Variants in DIRAS2 observed in about 807,000 individuals in gnomAD.
DIRAS2 encodes the protein DIRAS family GTPase 2.
Under a neutral mutation model 13.9 loss-of-function variants are expected in DIRAS2, and 5 were observed. The observed-to-expected ratio is 0.36, with a 90% confidence interval of 0.19 to 0.76. The LOEUF (loss-of-function observed/expected upper bound fraction) is 0.76, where lower values mean the gene tolerates loss of function less well. Among genes scored for constraint, DIRAS2 ranks in the 30% least tolerant of loss-of-function variants. The probability of loss-of-function intolerance (pLI) is 0.53; values close to 1 mark genes in which losing one functional copy is unlikely to be tolerated. For missense variants in DIRAS2, 191 were observed against 263.0 expected, an observed-to-expected ratio of 0.73 and a Z score of 1.89; for synonymous variants, 111 against 105.4, an observed-to-expected ratio of 1.05 and a Z score of -0.33.
In DIRAS2 at chr9:90,613,316, C is replaced by T. The variant is rs374125849; in HGVS notation, c.512G>A (p.Arg171His). 2.5e-6 allele frequency: 4 copies of T among 1,613,960 alleles called. No individual in the cohort carries two copies. In the African/African-American group the frequency reaches 4.0e-5, roughly 16 times the overall value. The change falls in exon 2 of 2, where the codon CGC becomes CAC. Residue 171 changes from arginine to histidine, a missense_variant. Transcript: ENST00000375765. The surrounding 1 kb of genome is among the most constrained non-coding windows in gnomAD (Gnocchi z 5.6). ...LFQELLNLEK[R>H]RTVSLQIDGK... ...GTCGATCTGGAGACTCACGGTCCTG[C>T]GCTTCTCCAGGTTGAGCAGCTCCTG...
chr9:90,622,039 G>A (rs1697464929), intron 1 of DIRAS2, among the ~76,000 whole-genome samples: 1 of 152,074 alleles, frequency 6.6e-6, no homozygotes, highest in South Asian at 2.1e-4. Flanking sequence ...ATTGCTTGAG[G>A]TCAGGAGTTC....
chr9:90,633,283 TG>T (rs1825343322), intron 1 of DIRAS2, among the ~76,000 whole-genome samples: 1 of 152,020 alleles, frequency 6.6e-6, no homozygotes, highest in Non-Finnish European at 1.5e-5. Flanking sequence ...CAACTAGTGA[TG>T]GGTCGGTGGG....
intron 1 of DIRAS2, among the ~76,000 whole-genome samples, chr9:90,631,126 G>C (rs896077629): frequency 6.6e-6 from 1 of 152,180 alleles, no homozygotes; most frequent in Non-Finnish European, 1.5e-5. Context: ...ACCAGGGAAG[G>C]ACTCCCTGAA....
intron 1 of DIRAS2, among the ~76,000 whole-genome samples, chr9:90,624,506 C>A (rs1270944757): frequency 6.6e-6 from 1 of 152,068 alleles, no homozygotes; most frequent in African/African-American, 2.4e-5. Context: ...ATACTACCTG[C>A]AAGAATGAAG....
At position 90,636,748 on chromosome 9, in the gene DIRAS2, G is replaced by A. The variant is rs1825375107; in HGVS notation, c.-37+6004C>T. 2.0e-5 allele frequency among the ~76,000 whole-genome samples: 3 copies of A among 152,166 alleles called. No individual in the cohort carries two copies. The South Asian group carries it at 6.2e-4, about 32-fold the overall frequency. The stretch of plus-strand genomic sequence containing the variant: ...AAAGAGAGACAGATATCAATTGATA[G>A]CTATTTAGTCAGAGAGATAGACAAA... On this transcript the variant is annotated intron_variant, in intron 1 of 1. Coordinates refer to ENST00000375765, the MANE Select transcript of DIRAS2 (RefSeq NM_017594.5).
In DIRAS2 at chr9:90,613,810, G is replaced by A. The variant is rs1296000513; in HGVS notation, c.18C>T (p.Asn6=). The A allele has an allele frequency of 7.4e-6, 12 of 1,613,052 alleles. 1 individual carries two copies. The South Asian group carries it at 8.8e-5, about 12-fold the overall frequency. Residue 6 remains asparagine (N), a synonymous_variant, in exon 2 of 2, where the codon AAC becomes AAT. Transcript: ENST00000375765. This position sits in a 1 kb window ranked among gnomAD's most constrained non-coding sequence, Gnocchi z 5.6. ...CCCCAAACACGGCCACCCGGTAATCGTTACTCTGCTCAGGCATGTTGCTGG... is the reference window on the plus strand; with the variant it reads ...CCCCAAACACGGCCACCCGGTAATCATTACTCTGCTCAGGCATGTTGCTGG... MPEQS[N]DYRVAVFGAG...
chr9:90,636,186 C>T (rs575415602), intron 1 of DIRAS2, among the ~76,000 whole-genome samples: 2 of 151,800 alleles, frequency 1.3e-5, no homozygotes, highest in South Asian at 2.1e-4. Flanking sequence ...TACAGGCGCC[C>T]GCCACCACAC....
Position 90,613,875 on chromosome 9 carries a change from A to T in DIRAS2, c.-36-12T>A. The T allele has an allele frequency of 6.5e-7, 1 of 1,550,372 alleles. No individual in the cohort carries two copies. Among genetic ancestry groups the T allele is most frequent in the Non-Finnish European group, 8.7e-7 (1 of 1,150,896 alleles). ...CAGCCAGGACGCACCTAGCAAAGGAACCAGATGTTTGAAAGAATTAATAAT... is the reference window on the plus strand; with the variant it reads ...CAGCCAGGACGCACCTAGCAAAGGATCCAGATGTTTGAAAGAATTAATAAT... On this transcript the variant is annotated splice_polypyrimidine_tract_variant and intron_variant, in intron 1 of 1. Transcript: ENST00000375765. This position sits in a 1 kb window ranked among gnomAD's most constrained non-coding sequence, Gnocchi z 5.6.
At chr9:90,638,105 TCCTCC>T (rs1462292360) in intron 1 of DIRAS2, among the ~76,000 whole-genome samples, 1 of 152,196 alleles carries the variant, frequency 6.6e-6, no homozygotes. Context: ...CCTTAAAAAG[TCCTCC>T]CCTACTCTGA....
chr9:90,633,941 C>T (rs1289882174), intron 1 of DIRAS2, among the ~76,000 whole-genome samples: 1 of 152,204 alleles, frequency 6.6e-6, no homozygotes, highest in Non-Finnish European at 1.5e-5. Context: ...TTGGTGGCTA[C>T]ATGGTACACA....
In DIRAS2 at chr9:90,618,275, A is replaced by C. The variant is rs550593866; in HGVS notation, c.-36-4412T>G. ...TCCAGAAATAAACCCTCATATTTACAGTCAATTGTTTTTTGACAAGGGTGT... is the reference window on the plus strand; with the variant it reads ...TCCAGAAATAAACCCTCATATTTACCGTCAATTGTTTTTTGACAAGGGTGT... On this transcript the variant is annotated intron_variant, in intron 1 of 1. Coordinates refer to ENST00000375765, the MANE Select transcript of DIRAS2 (RefSeq NM_017594.5). Among the ~76,000 whole-genome samples, 48 of 152,338 alleles carry C rather than the reference A, an allele frequency of 3.2e-4. 2 individuals are homozygous for C. The South Asian group carries it at 4.8e-3, about 15-fold the overall frequency.
chr9:90,642,048 AG>A (rs1327118527), intron 1 of DIRAS2, among the ~76,000 whole-genome samples: 1 of 152,262 alleles, frequency 6.6e-6, no homozygotes, highest in Non-Finnish European at 1.5e-5. Context: ...AGTTTTAAAG[AG>A]GAAAAACAGC....
chr9:90,621,841 C>T (rs1207818504), intron 1 of DIRAS2, among the ~76,000 whole-genome samples: 1 of 152,196 alleles, frequency 6.6e-6, no homozygotes, highest in Non-Finnish European at 1.5e-5. Flanking sequence ...CTCCACTACC[C>T]TGATTTTTGT....
At chr9:90,621,863 T>C (rs1473412) in intron 1 of DIRAS2, among the ~76,000 whole-genome samples, 29,481 of 152,154 alleles carry the variant, frequency 0.19, 3,523 homozygotes, top group Non-Finnish European at 0.28. Flanking sequence ...ACAAGAAAAA[T>C]AAAGTTTGCA....
rs1825121284 is a variant in DIRAS2, at chr9:90,612,240, T to C, written c.*988A>G. The C allele has an allele frequency of 6.6e-6, 1 of 152,670 alleles. No homozygotes were observed. The highest frequency in any genetic ancestry group is 6.5e-5 in the Admixed American group (1 of 15,282). 9.5% of individuals were successfully genotyped at this position (152,670 alleles called of 1,614,324 possible). ...GCAAAGTGTGGCATATACATGTTTG[T>C]GACACTACAAAAATGGATGTGCTTC... On this transcript the variant is annotated 3_prime_UTR_variant, in exon 2 of 2. Transcript: ENST00000375765.
intron 1 of DIRAS2, among the ~76,000 whole-genome samples, chr9:90,627,864 G>A (rs1401385783): frequency 6.6e-6 from 1 of 152,152 alleles, no homozygotes; most frequent in African/African-American, 2.4e-5. Context: ...AGGGTCAGGG[G>A]TTGTGGGGCA....
At chr9:90,614,446 G>A (rs1010104954) in intron 1 of DIRAS2, among the ~76,000 whole-genome samples, 2 of 151,934 alleles carry the variant, frequency 1.3e-5, no homozygotes, top group Admixed American at 6.6e-5. Flanking sequence ...TCACCACTCT[G>A]CAGGAGTTGG....
intron 1 of DIRAS2, among the ~76,000 whole-genome samples, chr9:90,639,699 C>T (rs947548761): frequency 6.6e-6 from 1 of 152,126 alleles, no homozygotes; most frequent in East Asian, 1.9e-4. Context: ...TGAGTTGGAT[C>T]CCTCGTATCT....
At chr9:90,630,631 G>A (rs1825316140) in intron 1 of DIRAS2, among the ~76,000 whole-genome samples, 1 of 152,150 alleles carries the variant, frequency 6.6e-6, no homozygotes, top group Admixed American at 6.6e-5. Context: ...TTACTCTGTA[G>A]CAAAACAACA....
Sources: gnomAD v4.1 joint callset for allele counts (sites outside exome capture counted in the v4.1 genomes callset) on GRCh38, gnomAD v4.1.1 for gene constraint, Gnocchi (gnomAD v3.1) non-coding constraint, MANE v1.5 for transcripts, NCBI Gene and HGNC (gene_info 2026-07-23, HGNC 2026-07-21) for gene names.